The following SUGCT variants were observed in gnomAD, a reference collection of about 807,000 sequenced individuals.
SUGCT encodes the protein succinyl-CoA:glutarate-CoA transferase, also known as succinyl-CoA:glutarate CoA-transferase.
Under a neutral mutation model 55.0 loss-of-function variants are expected in SUGCT, and 41 were observed. The observed-to-expected ratio is 0.74, with a 90% confidence interval of 0.58 to 0.97. SUGCT has a LOEUF of 0.97. Among genes scored for constraint, SUGCT ranks in the 50% least tolerant of loss-of-function variants. SUGCT has a pLI of 0.00. For synonymous variants in SUGCT, 187 were observed against 200.4 expected (o/e 0.93, Z 0.56); for missense variants, 568 against 547.8 (o/e 1.04, Z -0.37).
At chr7:40,366,309 C>T (rs543249536) in intron 9 of SUGCT, among the ~76,000 whole-genome samples, 135 of 152,262 alleles carry the variant, frequency 8.9e-4, no homozygotes, top group African/African-American at 3.0e-3. Flanking sequence ...ACCATAAAAA[C>T]CCTAGAAGAA....
chr7:40,783,956 G>A (rs915385057), intron 13 of SUGCT, among the ~76,000 whole-genome samples: 1 of 152,074 alleles, frequency 6.6e-6, no homozygotes, highest in African/African-American at 2.4e-5. Context: ...CTCCTAAAGG[G>A]CAATGGTGTC....
At chr7:40,274,484 C>T in intron 7 of SUGCT, 29 bp from the exon 8 acceptor site, 1 of 1,594,116 alleles carries the variant, frequency 6.3e-7, no homozygotes, top group Non-Finnish European at 8.5e-7. Context: ...TTAATTATTT[C>T]TTCTTTCTCA....
intron 7 of SUGCT, among the ~76,000 whole-genome samples, chr7:40,264,839 C>G (rs944893890): frequency 3.9e-5 from 6 of 152,212 alleles, no homozygotes; most frequent in African/African-American, 1.4e-4. Context: ...CATCTCGTCT[C>G]TCTGCCCTGC....
intron 11 of SUGCT, among the ~76,000 whole-genome samples, chr7:40,481,415 A>G (rs185322585): frequency 1.9e-4 from 29 of 151,452 alleles, no homozygotes; most frequent in Admixed American, 4.6e-4. Context: ...TGAGATTATT[A>G]TGTATATGAT....
Position 40,398,499 on chromosome 7 carries a change from G to C in SUGCT, c.817-50788G>C, listed in dbSNP as rs182891363. On this transcript the variant is annotated intron_variant, in intron 9 of 13. Transcript: ENST00000335693. ...GGTTGGCCAGAGCAGTAACCTGATC[G>C]GTAACACTTTACTGGCTTTTTTTTT... Among the ~76,000 whole-genome samples the C allele has an allele frequency of 6.2e-5, 9 of 145,326 alleles. No individual in the cohort carries two copies. The East Asian group carries it at 1.9e-3, about 30-fold the overall frequency.
At chr7:40,281,080 A>G (rs1165921054) in intron 8 of SUGCT, among the ~76,000 whole-genome samples, 2 of 152,218 alleles carry the variant, frequency 1.3e-5, no homozygotes, top group African/African-American at 2.4e-5. Flanking sequence ...ATAATTCATT[A>G]TTCTGCATTT....
chr7:40,248,814 C>G (rs1036954834), intron 7 of SUGCT, among the ~76,000 whole-genome samples: 1 of 151,608 alleles, frequency 6.6e-6, no homozygotes, highest in African/African-American at 2.4e-5. Flanking sequence ...AGAATAAAAA[C>G]CTGTTTTAAG....
chr7:40,989,109 T>TA, the SUGCT span, among the ~76,000 whole-genome samples: 679 of 151,970 alleles, frequency 4.5e-3, 4 homozygotes, highest in Admixed American at 7.9e-3. Context: ...ACTTTGTTGC[T>TA]AAAAAAAATA....
chr7:40,988,885 AT>A, the SUGCT span, among the ~76,000 whole-genome samples: 1 of 77,916 alleles, frequency 1.3e-5, no homozygotes, highest in Admixed American at 1.7e-4. Context: ...CACATTCTTA[AT>A]TTTTGTAGTT....
At chr7:41,037,705 A>G in the SUGCT span, among the ~76,000 whole-genome samples, 4 of 151,980 alleles carry the variant, frequency 2.6e-5, no homozygotes, top group South Asian at 8.3e-4. Context: ...AGACCGTGGA[A>G]ATGCCTCAGT....
intron 12 of SUGCT, among the ~76,000 whole-genome samples, chr7:40,686,811 T>C (rs1784488147): frequency 6.6e-6 from 1 of 152,198 alleles, no homozygotes; most frequent in African/African-American, 2.4e-5. Context: ...GTTTTCTGCA[T>C]GGAATATCAC....
chr7:40,659,144 C>G (rs530387480), intron 12 of SUGCT, among the ~76,000 whole-genome samples: 2 of 152,284 alleles, frequency 1.3e-5, no homozygotes, highest in South Asian at 4.1e-4. Context: ...ATATGCAGGA[C>G]AGATCAACTC....
intron 12 of SUGCT, among the ~76,000 whole-genome samples, chr7:40,682,898 G>T (rs1784315663): frequency 6.6e-6 from 1 of 152,084 alleles, no homozygotes; most frequent in Admixed American, 6.5e-5. Flanking sequence ...CAAAGGAAAA[G>T]ATATGTTTGA....
At chr7:40,575,124 G>A (rs532043569) in intron 12 of SUGCT, among the ~76,000 whole-genome samples, 1 of 143,632 alleles carries the variant, frequency 7.0e-6, no homozygotes, top group South Asian at 2.1e-4. Context: ...GGTGGCGGGG[G>A]TGGGGGTGGA....
the SUGCT span, among the ~76,000 whole-genome samples, chr7:40,897,869 AGACCAATCAGCTCTCTGTAAAATG>A: frequency 6.7e-6 from 1 of 149,294 alleles, no homozygotes; most frequent in South Asian, 2.2e-4. Context: ...TCTGTAAAAC[AGACCAATCAGCTCTCTGTAAAATG>A]GACCAATCAG....
the SUGCT span, among the ~76,000 whole-genome samples, chr7:40,982,795 G>A: frequency 6.6e-6 from 1 of 152,048 alleles, no homozygotes; most frequent in African/African-American, 2.4e-5. Context: ...CTACAGGCAT[G>A]TGCCACTATG....
intron 9 of SUGCT, among the ~76,000 whole-genome samples, chr7:40,406,904 G>T (rs1786400616): frequency 1.3e-5 from 2 of 152,022 alleles, no homozygotes; most frequent in African/African-American, 4.8e-5. Flanking sequence ...TAGAAACAAA[G>T]GATCCCTCAG....
chr7:40,445,362 A>G lies in SUGCT; in HGVS notation c.817-3925A>G, dbSNP rs934695674. ...ATACAAACTACCATCAGAGAATACT[A>G]TAAACACCTGTATGCAAGTAAACTA... On this transcript the variant is annotated intron_variant, in intron 9 of 13. Transcript: ENST00000335693. Among the ~76,000 whole-genome samples the G allele has an allele frequency of 5.3e-5, 8 of 152,336 alleles. No homozygotes were observed. The Middle Eastern group carries it at 0.01, about 194-fold the overall frequency.
At chr7:40,717,456 TC>T (rs1341714091) in intron 12 of SUGCT, among the ~76,000 whole-genome samples, 4 of 151,920 alleles carry the variant, frequency 2.6e-5, no homozygotes, top group African/African-American at 9.7e-5. Context: ...CCCACCCATT[TC>T]CCCCAGGGCA....
Sources: gnomAD v4.1 joint callset for allele counts (sites outside exome capture counted in the v4.1 genomes callset) on GRCh38, gnomAD v4.1.1 for gene constraint, MANE v1.5 for transcripts, NCBI Gene and HGNC (gene_info 2026-07-23, HGNC 2026-07-21) for gene names.